The following SPOCK1 variants were observed in gnomAD, a reference collection of about 807,000 sequenced individuals.
SPOCK1 encodes the protein SPARC (osteonectin), cwcv and kazal like domains proteoglycan 1.
A neutral mutation model predicts 55.3 loss-of-function variants in SPOCK1; 23 were observed. That is an observed-to-expected ratio of 0.42 (90% CI 0.30 to 0.59). The LOEUF is 0.59. Among genes scored for constraint, SPOCK1 ranks in the 20% least tolerant of loss-of-function variants. The pLI, the probability that SPOCK1 is intolerant of heterozygous loss-of-function variation, is 0.22. For synonymous variants in SPOCK1, 226 were observed against 221.0 expected (o/e 1.02, Z -0.20); for missense variants, 499 against 552.5 (o/e 0.90, Z 0.97).
Position 136,997,737 on chromosome 5 carries a change from G to T in SPOCK1, c.590-5137C>A, listed in dbSNP as rs1751072898. On this transcript the variant is annotated intron_variant, in intron 6 of 10. Transcript: ENST00000394945. ...GCTTTAAAGTGACATTTTCTTAGAG[G>T]ACTTCCCTAATCCTCAAACTTGAGA... Among the ~76,000 whole-genome samples the T allele has an allele frequency of 4.6e-5, 7 of 152,066 alleles. 1 individual carries two copies. In the South Asian group the frequency reaches 1.5e-3, roughly 32 times the overall value.
At chr5:137,452,216 T>C (rs756294565) in intron 2 of SPOCK1, among the ~76,000 whole-genome samples, 24 of 152,350 alleles carry the variant, frequency 1.6e-4, no homozygotes, top group Non-Finnish European at 3.1e-4. Flanking sequence ...ACTATTTACA[T>C]TCGTGGTATA....
At chr5:137,270,121 A>G (rs1472545117) in intron 2 of SPOCK1, among the ~76,000 whole-genome samples, 1 of 152,182 alleles carries the variant, frequency 6.6e-6, no homozygotes, top group African/African-American at 2.4e-5. Flanking sequence ...GCAGGACATT[A>G]ACAGCCCTTG....
At chr5:137,498,796 G>A (rs1295796838) in intron 1 of SPOCK1, among the ~76,000 whole-genome samples, 1 of 152,184 alleles carries the variant, frequency 6.6e-6, no homozygotes, top group Non-Finnish European at 1.5e-5. Flanking sequence ...TCCAACTACA[G>A]GGGACCCGTC....
At chr5:137,011,934 G>A (rs1312853275) in intron 6 of SPOCK1, among the ~76,000 whole-genome samples, 1 of 152,192 alleles carries the variant, frequency 6.6e-6, no homozygotes, top group Non-Finnish European at 1.5e-5. Context: ...AACACCAGGA[G>A]TCCCGAGAGT....
At chr5:137,042,658 AC>A (rs1752022088) in intron 6 of SPOCK1, among the ~76,000 whole-genome samples, 1 of 152,148 alleles carries the variant, frequency 6.6e-6, no homozygotes, top group Non-Finnish European at 1.5e-5. Flanking sequence ...TAATTTTGAT[AC>A]TGGGATTAAA....
intron 2 of SPOCK1, among the ~76,000 whole-genome samples, chr5:137,283,605 C>T (rs1446803066): frequency 2.0e-5 from 3 of 152,158 alleles, no homozygotes; most frequent in East Asian, 1.9e-4. Context: ...GTCCCAGCTA[C>T]CTGGGAGGAT....
chr5:137,246,594 T>C (rs1016813364), intron 3 of SPOCK1, among the ~76,000 whole-genome samples: 1 of 152,222 alleles, frequency 6.6e-6, no homozygotes, highest in African/African-American at 2.4e-5. Context: ...TCTCCAATTT[T>C]GCTATTCGCT....
intron 3 of SPOCK1, among the ~76,000 whole-genome samples, chr5:137,264,147 G>A (rs978702200): frequency 6.6e-6 from 1 of 152,128 alleles, no homozygotes; most frequent in Non-Finnish European, 1.5e-5. Flanking sequence ...GTGACAGCCA[G>A]AGCCCAGGGC....
intron 3 of SPOCK1, among the ~76,000 whole-genome samples, chr5:137,149,430 T>A (rs1237288789): frequency 2.0e-5 from 3 of 152,222 alleles, no homozygotes; most frequent in Admixed American, 1.3e-4. Flanking sequence ...CATAAATTAT[T>A]CATAAGACAT....
intron 3 of SPOCK1, among the ~76,000 whole-genome samples, chr5:137,153,411 T>C (rs936720816): frequency 7.2e-5 from 11 of 152,256 alleles, no homozygotes; most frequent in Admixed American, 7.2e-4. Flanking sequence ...GAGACTTCAA[T>C]TTGTCAATTC....
chr5:137,331,445 G>A lies in SPOCK1; in HGVS notation c.187-64390C>T, dbSNP rs190313486. The stretch of plus-strand genomic sequence containing the variant: ...GAGAAGATGACTCCAAAAGACCTGC[G>A]CATTGGGCCATTCTTGCATTGCTAT... On this transcript the variant is annotated intron_variant, in intron 2 of 10. Transcript: ENST00000394945. 4.1e-4 allele frequency among the ~76,000 whole-genome samples: 63 copies of A among 152,254 alleles called. No individual in the cohort carries two copies. The East Asian group carries it at 0.011, about 27-fold the overall frequency.
Position 137,136,010 on chromosome 5 carries a change from G to C in SPOCK1, c.347+4570C>G, listed in dbSNP as rs1753976788. ...ATTATATTTTACAATCAAATCTTTT[G>C]TTGTACATGTTTTGCAAATATTTTC... On this transcript the variant is annotated intron_variant, in intron 4 of 10. Coordinates refer to ENST00000394945, the MANE Select transcript of SPOCK1 (RefSeq NM_004598.4). Among the ~76,000 whole-genome samples the C allele has an allele frequency of 2.6e-5, 4 of 152,224 alleles. No homozygotes were observed. In the South Asian group the frequency reaches 8.3e-4, roughly 32 times the overall value.
intron 5 of SPOCK1, among the ~76,000 whole-genome samples, chr5:137,105,583 C>T (rs982952723): frequency 3.3e-5 from 5 of 152,190 alleles, no homozygotes; most frequent in African/African-American, 1.2e-4. Flanking sequence ...CCAATACAGA[C>T]TCTACTTGCC....
At chr5:137,338,841 C>T (rs1339898772) in intron 2 of SPOCK1, among the ~76,000 whole-genome samples, 2 of 152,106 alleles carry the variant, frequency 1.3e-5, no homozygotes, top group Non-Finnish European at 2.9e-5. Flanking sequence ...CTGTTCATAT[C>T]CTTCGCCCAC....
At chr5:137,264,440 G>T (rs1756807135) in intron 3 of SPOCK1, among the ~76,000 whole-genome samples, 2 of 151,770 alleles carry the variant, frequency 1.3e-5, no homozygotes, top group Admixed American at 1.3e-4. Flanking sequence ...CTCTATGCTG[G>T]GCCTTCCTTC....
At chr5:137,376,162 C>G (rs1011499031) in intron 2 of SPOCK1, among the ~76,000 whole-genome samples, 2 of 152,202 alleles carry the variant, frequency 1.3e-5, no homozygotes, top group African/African-American at 4.8e-5. Context: ...ATTTCCAGGT[C>G]TGGGGACAGG....
intron 3 of SPOCK1, among the ~76,000 whole-genome samples, chr5:137,148,901 T>G (rs1344020464): frequency 6.6e-6 from 1 of 152,054 alleles, no homozygotes; most frequent in Non-Finnish European, 1.5e-5. Flanking sequence ...AGGTGATGAT[T>G]AAAGTGTCAA....
chr5:137,489,491 T>C (rs10035559), intron 2 of SPOCK1, among the ~76,000 whole-genome samples: 58,990 of 151,996 alleles, frequency 0.39, 11,558 homozygotes, highest in East Asian at 0.46. Flanking sequence ...TTCCAGACCA[T>C]GGACACCAGA....
At chr5:137,167,798 T>G (rs1410441822) in intron 3 of SPOCK1, among the ~76,000 whole-genome samples, 1 of 152,034 alleles carries the variant, frequency 6.6e-6, no homozygotes, top group Non-Finnish European at 1.5e-5. Flanking sequence ...CCTATACCTA[T>G]GAGTATAGCC....
Sources: gnomAD v4.1 joint callset for allele counts (sites outside exome capture counted in the v4.1 genomes callset) on GRCh38, gnomAD v4.1.1 for gene constraint, MANE v1.5 for transcripts, NCBI Gene and HGNC (gene_info 2026-07-23, HGNC 2026-07-21) for gene names.